FDFT1: variants seen among roughly 807,000 people sequenced by gnomAD.
FDFT1 encodes the protein squalene synthase.
In FDFT1, 68 loss-of-function variants were observed where a neutral mutation model predicts 46.8. The observed-to-expected ratio is 1.45, with a 90% CI of 1.19 to 1.78. The LOEUF (loss-of-function observed/expected upper bound fraction) is 1.78, where lower values mean the gene tolerates loss of function less well. Ranked by LOEUF, FDFT1 falls within the 40% of genes most tolerant of loss-of-function variation. The pLI is 0.00. For missense variants in FDFT1, 928 were observed against 524.4 expected, an observed-to-expected ratio of 1.77 and a Z score of -7.52; for synonymous variants, 351 against 185.1, an observed-to-expected ratio of 1.90 and a Z score of -7.28.
chr8:11,806,220 C>T (rs1806810629), intron 1 of FDFT1, among the ~76,000 whole-genome samples: 2 of 152,114 alleles, frequency 1.3e-5, no homozygotes, highest in South Asian at 4.1e-4. Context: ...TTTTCTCCCG[C>T]TTGCGAGCTT....
intron 5 of FDFT1, among the ~76,000 whole-genome samples, chr8:11,826,748 G>A (rs940079857): frequency 1.2e-4 from 18 of 152,218 alleles, no homozygotes; most frequent in African/African-American, 4.1e-4. Flanking sequence ...CCAGGAAGCA[G>A]AGATTGCGGT....
At chr8:11,822,809 C>T (rs778650125) in intron 4 of FDFT1, among the ~76,000 whole-genome samples, 1 of 152,034 alleles carries the variant, frequency 6.6e-6, no homozygotes, top group East Asian at 1.9e-4. Flanking sequence ...GAGCAAGACA[C>T]CATCTGAAAG....
intron 1 of FDFT1, among the ~76,000 whole-genome samples, chr8:11,804,858 C>T (rs1318026845): frequency 1.3e-5 from 2 of 150,650 alleles, no homozygotes; most frequent in East Asian, 1.9e-4. Context: ...ATCTGCTCGC[C>T]TTGGTCTCCC....
intron 5 of FDFT1, among the ~76,000 whole-genome samples, chr8:11,828,623 T>C (rs1810342296): frequency 6.6e-6 from 1 of 152,286 alleles, no homozygotes; most frequent in African/African-American, 2.4e-5. Flanking sequence ...AGCAGAGCCC[T>C]GCTCTTCTCA....
chr8:11,806,722 C>G (rs1303966990), intron 1 of FDFT1, among the ~76,000 whole-genome samples: 2 of 152,150 alleles, frequency 1.3e-5, no homozygotes, highest in Non-Finnish European at 2.9e-5. Flanking sequence ...AAGAGCTGCT[C>G]TGGAGCTCAG....
intron 7 of FDFT1, among the ~76,000 whole-genome samples, chr8:11,836,472 C>T (rs548097474): frequency 6.6e-5 from 10 of 152,350 alleles, no homozygotes; most frequent in Non-Finnish European, 1.5e-4. Flanking sequence ...AGGTGAGGGC[C>T]ACCTCTCTGC....
At chr8:11,813,000 G>T (rs1322020395) in intron 3 of FDFT1, among the ~76,000 whole-genome samples, 1 of 151,802 alleles carries the variant, frequency 6.6e-6, no homozygotes, top group Non-Finnish European at 1.5e-5. Flanking sequence ...AGATGGCATA[G>T]CTACTACAGA....
intron 2 of FDFT1, 104 bp downstream of exon 2, chr8:11,808,995 G>C (rs1554517679): frequency 1.3e-6 from 2 of 1,500,066 alleles, no homozygotes; most frequent in Admixed American, 4.0e-5. Context: ...TTGCAGCCTC[G>C]TTGCTGTGGC....
At chr8:11,814,267 G>T (rs1808134692) in intron 3 of FDFT1, among the ~76,000 whole-genome samples, 1 of 151,290 alleles carries the variant, frequency 6.6e-6, no homozygotes, top group Non-Finnish European at 1.5e-5. Context: ...AAACTTTTTG[G>T]AAAGTTCTGG....
At chr8:11,809,896 T>G in intron 3 of FDFT1, 46 bp downstream of exon 3, 2 of 1,467,522 alleles carry the variant, frequency 1.4e-6, no homozygotes, top group East Asian at 4.6e-5. Context: ...GTGTTCATAA[T>G]TGCTAACGTG....
chr8:11,809,172 G>C (rs1039867095), intron 2 of FDFT1: 19 of 1,269,730 alleles, frequency 1.5e-5, no homozygotes, highest in Non-Finnish European at 1.8e-5. Flanking sequence ...CTGTGAGCAG[G>C]TCGTGTATTT....
At chr8:11,829,316 G>T (rs549868235) in intron 5 of FDFT1, among the ~76,000 whole-genome samples, 2 of 152,132 alleles carry the variant, frequency 1.3e-5, no homozygotes, top group East Asian at 3.9e-4. Context: ...CAGAACTTTC[G>T]CTAGCTTCAG....
rs1809942691 is a variant in FDFT1 at position 11,826,089 on chromosome 8, T to G, written c.576T>G (p.Phe192Leu). ...CCCGTCTTTTCTCAGCCTCAGAGTT[T>G]GAAGACCCCTTAGTTGGTGAAGATA... The part of the protein sequence containing the change: ...GLSRLFSASE[F>L]EDPLVGEDTE... The change falls in exon 5 of 8, where the codon TTT (phenylalanine) becomes TTG (leucine). Residue 192 changes from phenylalanine to leucine, a missense_variant. Phe to Leu is a conservative substitution (Grantham distance 22). Coordinates refer to ENST00000220584, the MANE Select transcript of FDFT1 (RefSeq NM_004462.5). 2 of 1,610,066 alleles carry G rather than the reference T, an allele frequency of 1.2e-6. No individual in the cohort carries two copies. Among genetic ancestry groups the G allele is most frequent in the Non-Finnish European group, 1.7e-6 (2 of 1,176,912 alleles).
chr8:11,821,795 A>T lies in FDFT1; in HGVS notation c.427A>T (p.Ile143Phe). 6.2e-7 allele frequency: 1 copy of T among 1,613,724 alleles called. No individual in the cohort carries two copies. ...TCTGGCTGAGAAATACCAAACAGTG[A>T]TTGCCGACATTTGCCGGAGAATGGG... is the stretch of plus-strand genomic sequence containing the variant. ...RNLAEKYQTVIADICRRMGIG... is the reference protein window; with the variant it reads ...RNLAEKYQTVFADICRRMGIG... The change falls in exon 4 of 8, where the codon ATT becomes TTT. Residue 143 changes from isoleucine (I) to phenylalanine (F), a missense_variant. By Grantham distance (21) the Ile-to-Phe change is conservative. Transcript: ENST00000220584.
chr8:11,811,436 G>T (rs1433477160), intron 3 of FDFT1, among the ~76,000 whole-genome samples: 1 of 152,232 alleles, frequency 6.6e-6, no homozygotes, highest in Admixed American at 6.5e-5. Flanking sequence ...GGATAAATGT[G>T]TTAGGTATTG....
rs545277407 is a variant in FDFT1, at chr8:11,828,615, C to T, written c.703-1629C>T. Among the ~76,000 whole-genome samples the T allele has an allele frequency of 2.0e-5, 3 of 152,378 alleles. No individual in the cohort carries two copies. In the South Asian group the frequency reaches 6.2e-4, roughly 32 times the overall value. On this transcript the variant is annotated intron_variant, in intron 5 of 7. Transcript: ENST00000220584. ...CCACACCATCTTGCACACACAGGAG[C>T]AGAGCCCTGCTCTTCTCATTCACTT...
intron 3 of FDFT1, among the ~76,000 whole-genome samples, chr8:11,818,620 CTTCT>C (rs1434673642): frequency 1.3e-5 from 2 of 151,796 alleles, no homozygotes; most frequent in South Asian, 2.1e-4. Context: ...ATGTAGTGGC[CTTCT>C]TTGTCTCTTT....
intron 3 of FDFT1, among the ~76,000 whole-genome samples, chr8:11,817,107 T>C (rs572552056): frequency 4.6e-5 from 7 of 152,364 alleles, no homozygotes; most frequent in African/African-American, 1.7e-4. Flanking sequence ...CAAAGGCCTT[T>C]CGTGCATCTA....
At chr8:11,801,291 C>T (rs536499744), upstream of FDFT1, among the ~76,000 whole-genome samples, 437 of 152,310 alleles carry the variant, frequency 2.9e-3, 2 homozygotes, top group Non-Finnish European at 5.3e-3. Flanking sequence ...AGACACTGAA[C>T]AGCTTTGGGC....
Sources: gnomAD v4.1 joint callset for allele counts (sites outside exome capture counted in the v4.1 genomes callset) on GRCh38, gnomAD v4.1.1 for gene constraint, MANE v1.5 for transcripts, NCBI Gene and HGNC (gene_info 2026-07-23, HGNC 2026-07-21) for gene names.